Variants in NOTCH2 observed in about 807,000 individuals in gnomAD.
NOTCH2 encodes the protein notch receptor 2.
NOTCH2 carries 29 observed loss-of-function variants against 235.8 expected under a neutral mutation model. The observed-to-expected ratio is 0.12, with a 90% CI of 0.09 to 0.17. The LOEUF (loss-of-function observed/expected upper bound fraction) is 0.17, where lower values mean the gene tolerates loss of function less well. Among genes scored for constraint, NOTCH2 ranks in the 10% least tolerant of loss-of-function variants. NOTCH2 has a pLI of 1.00. For synonymous variants in NOTCH2, 1,086 were observed against 1,141.5 expected (o/e 0.95, Z 0.98); for missense variants, 2,285 against 3,150.2 (o/e 0.73, Z 6.57).
intron 5 of NOTCH2, among the ~76,000 whole-genome samples, chr1:119,985,623 G>T (rs781889885): frequency 3.3e-5 from 5 of 152,066 alleles, no homozygotes; most frequent in Admixed American, 6.6e-5. Flanking sequence ...ATCAGAATGT[G>T]GTCAAGTTCT....
chr1:119,984,593 T>C (rs1651940948), intron 5 of NOTCH2, among the ~76,000 whole-genome samples: 2 of 152,176 alleles, frequency 1.3e-5, no homozygotes, highest in South Asian at 4.1e-4. Context: ...ACATCTAATA[T>C]CAGTAGAAAC....
chr1:119,941,719 C>T lies in NOTCH2; in HGVS notation c.2788G>A (p.Val930Met), dbSNP rs1557814274. 1 of 1,614,150 alleles carries T rather than the reference C, an allele frequency of 6.2e-7. No individual in the cohort carries two copies. Among genetic ancestry groups the T allele is most frequent in the Non-Finnish European group, 8.5e-7 (1 of 1,179,998 alleles). The change falls in exon 18 of 34, where the codon GTG (valine) becomes ATG (methionine). Residue 930 changes from valine to methionine, a missense_variant. This residue lies in a region of NOTCH2 where 1,173 missense variants were observed against 1,515.3 expected (regional missense o/e 0.77). Coordinates refer to ENST00000256646, the MANE Select transcript of NOTCH2 (RefSeq NM_024408.4). ...AGGCAGAGGCAGGAGAAAGTATTCA[C>T]TCCATCCATACAGGAACCTCCATTC... ...CQNGGSCMDGVNTFSCLCLPG... is the reference protein window; with the variant it reads ...CQNGGSCMDGMNTFSCLCLPG...
rs2101145073 is a variant in NOTCH2, at chr1:119,916,616, G to A, written c.6106C>T (p.Arg2036Ter). Residue 2036 changes from arginine (R) to a stop codon, truncating the protein, a stop_gained, in exon 34 of 34, where the codon CGA becomes TGA. Transcript: ENST00000256646. LOFTEE classifies it high-confidence loss of function. ...AKILLDHFAN[R>*]DITDHMDRLP... ...CGATCCATATGGTCTGTGATGTCTC[G>A]ATTGGCAAAATGGTCTAACAGGATC... 6.2e-7 allele frequency: 1 copy of A among 1,614,154 alleles called. No homozygotes were observed. Among genetic ancestry groups the A allele is most frequent in the Non-Finnish European group, 8.5e-7 (1 of 1,180,032 alleles).
rs376162795 is a variant in NOTCH2 at position 120,007,734 on chromosome 1, TC to T, written c.156-2147del. On this transcript the variant is annotated intron_variant, in intron 2 of 33. Coordinates refer to ENST00000256646, the MANE Select transcript of NOTCH2 (RefSeq NM_024408.4). ...CCAAGTGAAAACATCTTTTCTGTCT[TC>T]TTTGTGCTTATTGAGGAAAATACAA... Among the ~76,000 whole-genome samples, 374 of 152,188 alleles carry T rather than the reference TC, an allele frequency of 2.5e-3. 3 individuals are homozygous for T. Among genetic ancestry groups the T allele is most frequent in the African/African-American group, 8.9e-3 (369 of 41,492 alleles).
rs1260847069 is a variant in NOTCH2, at chr1:119,926,517, G to A, written c.3987C>T (p.Phe1329=). The change falls in exon 24 of 34, where the codon TTC becomes TTT. Residue 1329 remains phenylalanine (F), a synonymous_variant. Transcript: ENST00000256646. ...CACTTACCGGGGGACAACGGCAAAT[G>A]AAACCATCAGGCATGTTACTGGCCA... is the stretch of plus-strand genomic sequence containing the variant. ...CAVASNMPDG[F]ICRCPPGFSG... The A allele has an allele frequency of 1.2e-6, 2 of 1,604,366 alleles. No homozygotes were observed. Among genetic ancestry groups the A allele is most frequent in the Non-Finnish European group, 1.7e-6 (2 of 1,174,386 alleles).
chr1:120,039,183 G>A (rs1363122642), intron 1 of NOTCH2, among the ~76,000 whole-genome samples: 1 of 152,058 alleles, frequency 6.6e-6, no homozygotes, highest in Non-Finnish European at 1.5e-5. Flanking sequence ...CCAACAGAGA[G>A]GAAGAAGCTG....
chr1:119,912,889 A>G lies in NOTCH2; in HGVS notation c.*2417T>C, dbSNP rs140753774. 68 of 233,670 alleles carry G rather than the reference A, an allele frequency of 2.9e-4. No individual in the cohort carries two copies. In the East Asian group the frequency reaches 4.1e-3, roughly 14 times the overall value. 14.5% of individuals were successfully genotyped at this position (233,670 alleles called of 1,614,324 possible). ...TGTTGTCTGTAATGACAGCTTTCAC[A>G]TTCCCTTTCTCCAAACCCAAAGGAT... On this transcript the variant is annotated 3_prime_UTR_variant, in exon 34 of 34. Coordinates refer to ENST00000256646, the MANE Select transcript of NOTCH2 (RefSeq NM_024408.4).
chr1:119,931,563 G>T (rs1281143047), intron 22 of NOTCH2, among the ~76,000 whole-genome samples: 1 of 152,048 alleles, frequency 6.6e-6, no homozygotes, highest in African/African-American at 2.4e-5. Flanking sequence ...AACGTTATTG[G>T]TGAATTAATA....
At position 119,929,207 on chromosome 1, in the gene NOTCH2, G is replaced by T. The variant is rs781976514; in HGVS notation, c.3661C>A (p.Leu1221Ile). 1 of 1,612,950 alleles carries T rather than the reference G, an allele frequency of 6.2e-7. No individual in the cohort carries two copies. Among genetic ancestry groups the T allele is most frequent in the Middle Eastern group, 1.7e-4 (1 of 6,060 alleles). ...CSCPPGTRGL[L>I]CEENIDDCAR... ...CAGTCATCAATGTTCTCTTCACAGAGTAGGCCTGGAGGAAAGAGAAGAGGT... is the reference window on the plus strand; with the variant it reads ...CAGTCATCAATGTTCTCTTCACAGATTAGGCCTGGAGGAAAGAGAAGAGGT... The change falls in exon 23 of 34, where the codon CTC becomes ATC. Residue 1221 changes from leucine (L) to isoleucine (I), a missense_variant. Around this residue, in one of 6 missense-constraint regions of NOTCH2, gnomAD observed 1,173 missense variants for 1,515.3 expected, o/e 0.77. Coordinates refer to ENST00000256646, the MANE Select transcript of NOTCH2 (RefSeq NM_024408.4).
intron 5 of NOTCH2, among the ~76,000 whole-genome samples, chr1:119,981,392 C>A (rs1256934798): frequency 6.6e-6 from 1 of 152,080 alleles, no homozygotes; most frequent in Non-Finnish European, 1.5e-5. Flanking sequence ...GGAATTTTTT[C>A]TTTGTGTCTC....
intron 5 of NOTCH2, among the ~76,000 whole-genome samples, chr1:119,979,913 G>A (rs1334366329): frequency 6.6e-6 from 1 of 152,068 alleles, no homozygotes; most frequent in Non-Finnish European, 1.5e-5. Flanking sequence ...AAAGTAGATA[G>A]ATGAATTGAA....
In NOTCH2 at chr1:119,969,763, T is replaced by A; in HGVS notation, c.875-19A>T. The A allele has an allele frequency of 6.2e-7, 1 of 1,607,134 alleles. No individual in the cohort carries two copies. ...AACTGTCCTTTTAGGGGGAAATTAC[T>A]TTTGATTAGGGCTCTTGAGTCTCAA... On this transcript the variant is annotated intron_variant, in intron 5 of 33. Transcript: ENST00000256646.
At chr1:119,938,751 G>A (rs1021557326) in intron 19 of NOTCH2, among the ~76,000 whole-genome samples, 2 of 151,642 alleles carry the variant, frequency 1.3e-5, no homozygotes, top group African/African-American at 4.8e-5. Context: ...CGCTATCTCC[G>A]CTAACTGCAA....
intron 7 of NOTCH2, 126 bp from the exon 8 acceptor site, chr1:119,967,747 C>T (rs782305900): frequency 1.1e-5 from 9 of 855,698 alleles, no homozygotes; most frequent in Non-Finnish European, 1.7e-5. Flanking sequence ...TCCCAATTTT[C>T]TATTTTTTTT....
intron 1 of NOTCH2, among the ~76,000 whole-genome samples, chr1:120,037,857 C>A (rs1570772640): frequency 6.6e-6 from 1 of 151,876 alleles, no homozygotes; most frequent in African/African-American, 2.4e-5. Context: ...ATTATTACTG[C>A]TTTTCAAAAA....
chr1:120,033,873 C>G (rs1257212425), intron 1 of NOTCH2, among the ~76,000 whole-genome samples: 1 of 152,094 alleles, frequency 6.6e-6, no homozygotes, highest in African/African-American at 2.4e-5. Context: ...ATTATAACAT[C>G]ACTTTGTACC....
chr1:120,017,602 T>G (rs1319851879), intron 2 of NOTCH2, among the ~76,000 whole-genome samples: 2 of 151,530 alleles, frequency 1.3e-5, no homozygotes, highest in Non-Finnish European at 2.9e-5. Context: ...TGGGAACAAC[T>G]GGGTTGAGCT....
chr1:119,935,370 G>A (rs782609720), intron 22 of NOTCH2, 102 bp downstream of exon 22: 94 of 1,610,736 alleles, frequency 5.8e-5, no homozygotes, highest in Admixed American at 5.0e-5. Flanking sequence ...AATGAAGCTA[G>A]TCTTCCTATC....
intron 3 of NOTCH2, among the ~76,000 whole-genome samples, chr1:120,000,955 G>T (rs1326438252): frequency 1.3e-5 from 2 of 151,820 alleles, no homozygotes; most frequent in Non-Finnish European, 2.9e-5. Context: ...CCCATGTGTT[G>T]TGGGAGGGAC....
Sources: allele counts gnomAD v4.1 joint callset (sites outside exome capture counted in the v4.1 genomes callset), GRCh38; gene constraint gnomAD v4.1.1; regional missense constraint gnomAD v4.1.1; transcripts MANE v1.5; gene names NCBI Gene and HGNC (gene_info 2026-07-23, HGNC 2026-07-21).